SFMBT1: variants seen among roughly 807,000 people sequenced by gnomAD.
SFMBT1 encodes Scm like with four mbt domains 1.
Under a neutral mutation model 108.7 loss-of-function variants are expected in SFMBT1, and 32 were observed. The ratio of observed to expected loss-of-function variants is 0.29; its 90% confidence interval spans 0.22 to 0.40. SFMBT1 has a LOEUF of 0.40. Among genes scored for constraint, SFMBT1 ranks in the 10% least tolerant of loss-of-function variants. The probability of loss-of-function intolerance (pLI) is 1.00; values close to 1 mark genes in which losing one functional copy is unlikely to be tolerated. For missense variants in SFMBT1, 816 were observed against 1,059.6 expected (o/e 0.77, Z 3.19); for synonymous variants, 348 against 369.5 (o/e 0.94, Z 0.67).
chr3:52,918,583 T>A, intron 12 of SFMBT1, 57 bp from the exon 13 acceptor site: 1 of 1,174,950 alleles, frequency 8.5e-7, no homozygotes, highest in Non-Finnish European at 1.2e-6. Context: ...AAAGGAAAAT[T>A]CATATGTGTA....
chr3:53,002,457 A>G (rs1698594525), intron 1 of SFMBT1, among the ~76,000 whole-genome samples: 1 of 150,018 alleles, frequency 6.7e-6, no homozygotes, highest in Non-Finnish European at 1.5e-5. Context: ...TTAACAAATA[A>G]GCAAAACTAT....
chr3:53,011,464 G>C (rs1009926027), intron 1 of SFMBT1, among the ~76,000 whole-genome samples: 2 of 152,202 alleles, frequency 1.3e-5, no homozygotes, highest in African/African-American at 4.8e-5. Flanking sequence ...AAGACTTGAG[G>C]AGTGCTACAT....
chr3:52,930,857 G>C (rs1702835069), intron 7 of SFMBT1, 84 bp downstream of exon 7: 1 of 1,079,786 alleles, frequency 9.3e-7, no homozygotes, highest in East Asian at 2.4e-5. Flanking sequence ...CGACTGCAGG[G>C]GCTGCTTTAC....
In SFMBT1 at chr3:52,908,062, TTG is replaced by T. The variant is rs1282073848; in HGVS notation, c.1907-331_1907-330del. ...ATGGAACCACACAGTAAGCACTTTT[TTG>T]TGTGTGACTTTTTTTTTTTTTTTTT... On this transcript the variant is annotated intron_variant, in intron 17 of 20. Coordinates refer to ENST00000394752, the MANE Select transcript of SFMBT1 (RefSeq NM_016329.4). Among the ~76,000 whole-genome samples the T allele has an allele frequency of 1.2e-4, 18 of 152,116 alleles. No homozygotes were observed. The East Asian group carries it at 1.7e-3, about 15-fold the overall frequency.
At chr3:53,004,680 G>T (rs1221036967) in intron 1 of SFMBT1, among the ~76,000 whole-genome samples, 1 of 150,032 alleles carries the variant, frequency 6.7e-6, no homozygotes, top group African/African-American at 2.4e-5. Context: ...CTGAAATTTT[G>T]AGACACAACT....
At chr3:52,946,351 C>T (rs1050616302) in intron 3 of SFMBT1, among the ~76,000 whole-genome samples, 2 of 152,224 alleles carry the variant, frequency 1.3e-5, no homozygotes, top group Non-Finnish European at 2.9e-5. Flanking sequence ...AGTCCTCCCC[C>T]GCTAGTCACT....
chr3:52,986,135 T>C (rs1423728659), intron 1 of SFMBT1, among the ~76,000 whole-genome samples: 1 of 121,742 alleles, frequency 8.2e-6, no homozygotes, highest in Non-Finnish European at 1.7e-5. Flanking sequence ...AGAGTGAGAC[T>C]CCGTCTCAGG....
At chr3:53,040,389 C>T (rs1699999787) in intron 1 of SFMBT1, among the ~76,000 whole-genome samples, 1 of 152,190 alleles carries the variant, frequency 6.6e-6, no homozygotes, top group East Asian at 1.9e-4. Flanking sequence ...CATCCCAGCT[C>T]ATGTTGTCAT....
chr3:52,949,285 G>A (rs1703486455), intron 3 of SFMBT1, among the ~76,000 whole-genome samples: 1 of 152,116 alleles, frequency 6.6e-6, no homozygotes, highest in African/African-American at 2.4e-5. Context: ...TGTATCTTCT[G>A]CTGTTGTTGA....
At chr3:52,960,236 T>A (rs1013289098) in intron 2 of SFMBT1, among the ~76,000 whole-genome samples, 1 of 151,852 alleles carries the variant, frequency 6.6e-6, no homozygotes, top group East Asian at 1.9e-4. Context: ...CATATTAATA[T>A]AAGAGTGTAA....
intron 3 of SFMBT1, among the ~76,000 whole-genome samples, chr3:52,951,862 G>A (rs945967161): frequency 3.3e-5 from 5 of 152,218 alleles, no homozygotes; most frequent in African/African-American, 1.2e-4. Flanking sequence ...ACATGTTACA[G>A]TGCTGCAGAG....
At chr3:52,934,729 A>C in intron 5 of SFMBT1, 84 bp downstream of exon 5, 3 of 1,080,066 alleles carry the variant, frequency 2.8e-6, no homozygotes, top group South Asian at 3.0e-5. Context: ...TTTTCTTCAG[A>C]GTGGTAAATA....
At chr3:53,026,547 C>T (rs1417673624) in intron 1 of SFMBT1, among the ~76,000 whole-genome samples, 2 of 152,016 alleles carry the variant, frequency 1.3e-5, no homozygotes, top group African/African-American at 4.8e-5. Context: ...AGCTGGAATT[C>T]CTACCAAGCT....
At chr3:52,989,829 T>A (rs767669033) in intron 1 of SFMBT1, among the ~76,000 whole-genome samples, 5 of 151,974 alleles carry the variant, frequency 3.3e-5, no homozygotes, top group African/African-American at 7.2e-5. Flanking sequence ...AGTGTTTACA[T>A]AATGTATAAC....
In SFMBT1 at chr3:52,906,233, C is replaced by T; in HGVS notation, c.2340G>A (p.Arg780=). The change falls in exon 20 of 21, where the codon AGG becomes AGA. Residue 780 remains arginine (R), a synonymous_variant. Transcript: ENST00000394752. ...GGTGAAGCCTTTCAGCAACTTCGAT[C>T]CTTATTTCCTTCATTCCCCACAACA... is the stretch of plus-strand genomic sequence containing the variant. ...ENKPPSPKEI[R]IEVAERLHLD... is the part of the protein sequence containing the mutation. 6.2e-7 allele frequency: 1 copy of T among 1,614,088 alleles called. No homozygotes were observed. The highest frequency in any genetic ancestry group is 8.5e-7 in the Non-Finnish European group (1 of 1,179,958).
At chr3:53,023,305 G>A (rs1162366037) in intron 1 of SFMBT1, among the ~76,000 whole-genome samples, 2 of 152,200 alleles carry the variant, frequency 1.3e-5, no homozygotes, top group Non-Finnish European at 2.9e-5. Flanking sequence ...CCACAGTGAA[G>A]ATATGTTTCC....
At chr3:53,022,449 CAAAAAAAAAA>C (rs34744052) in intron 1 of SFMBT1, among the ~76,000 whole-genome samples, 2 of 40,630 alleles carry the variant, frequency 4.9e-5, no homozygotes, top group South Asian at 1.1e-3. Flanking sequence ...GGTGCTGTCT[CAAAAAAAAAA>C]AAAAAAAAAA....
chr3:52,942,510 G>C (rs1396425051), intron 4 of SFMBT1, among the ~76,000 whole-genome samples: 1 of 152,092 alleles, frequency 6.6e-6, no homozygotes, highest in East Asian at 1.9e-4. Context: ...AATACCAAAA[G>C]TCTGGTATTT....
rs1465790354 is a variant in SFMBT1, at chr3:53,046,035, G to C, written c.-350C>G. The C allele has an allele frequency of 1.3e-5, 2 of 151,292 alleles. No individual in the cohort carries two copies. The highest frequency in any genetic ancestry group is 2.9e-5 in the Non-Finnish European group (2 of 67,918). The allele number at this position is 151,292 out of a possible 1,614,324, so 9.4% of individuals were successfully genotyped here. A position where few individuals can be genotyped will look rare whatever the true frequency, so the allele number is the denominator to read the frequency against. On this transcript the variant is annotated 5_prime_UTR_variant, in exon 1 of 21. Transcript: ENST00000394752. ...CCCCCTCCACCCGCGCTCCGGCGGA[G>C]GCGGCGGCGGCGCTCCGCGCTCCGA...
Sources: allele counts gnomAD v4.1 joint callset (sites outside exome capture counted in the v4.1 genomes callset), GRCh38; gene constraint gnomAD v4.1.1; transcripts MANE v1.5; gene names NCBI Gene and HGNC (gene_info 2026-07-23, HGNC 2026-07-21).